The following KCNMA1 variants were observed in gnomAD, a reference collection of about 807,000 sequenced individuals.
The protein encoded by KCNMA1 is Calcium-activated potassium channel subunit alpha-1.
A neutral mutation model predicts 140.0 loss-of-function variants in KCNMA1; 29 were observed. The observed-to-expected ratio is 0.21, with a 90% CI of 0.15 to 0.28. KCNMA1 has a LOEUF of 0.28. Among genes scored for constraint, KCNMA1 ranks in the 10% least tolerant of loss-of-function variants. KCNMA1 has a pLI of 1.00. For synonymous variants in KCNMA1, 612 were observed against 611.9 expected (o/e 1.00, Z 0.00); for missense variants, 880 against 1,602.2 (o/e 0.55, Z 7.70).
At chr10:76,882,843 C>A (rs370220262), downstream of KCNMA1, among the ~76,000 whole-genome samples, 2 of 152,208 alleles carry the variant, frequency 1.3e-5, no homozygotes, top group Non-Finnish European at 2.9e-5. Flanking sequence ...GTGCCCACAG[C>A]TACTTCTTTA....
At chr10:77,298,146 G>T (rs890407201) in intron 2 of KCNMA1, among the ~76,000 whole-genome samples, 1 of 152,204 alleles carries the variant, frequency 6.6e-6, no homozygotes, top group South Asian at 2.1e-4. Flanking sequence ...AAACCAGAGA[G>T]AGCTTGTCAA....
At chr10:77,289,609 T>G (rs2072436126) in intron 2 of KCNMA1, among the ~76,000 whole-genome samples, 1 of 152,256 alleles carries the variant, frequency 6.6e-6, no homozygotes, top group African/African-American at 2.4e-5. Flanking sequence ...GATGTATATT[T>G]GCTTAAATGA....
chr10:76,936,619 T>G (rs4980117), intron 23 of KCNMA1, among the ~76,000 whole-genome samples: 69,640 of 151,910 alleles, frequency 0.46, 16,616 homozygotes, highest in Middle Eastern at 0.52. Context: ...CTGAAAAAAT[T>G]CTTCTCTGAC....
intron 3 of KCNMA1, among the ~76,000 whole-genome samples, chr10:77,211,753 G>T (rs1297672800): frequency 6.6e-6 from 1 of 151,704 alleles, no homozygotes; most frequent in Non-Finnish European, 1.5e-5. Context: ...TAAAAAAATT[G>T]ACAAGCAAAT....
At chr10:77,125,582 C>T (rs2097714111) in intron 5 of KCNMA1, among the ~76,000 whole-genome samples, 1 of 152,212 alleles carries the variant, frequency 6.6e-6, no homozygotes, top group Non-Finnish European at 1.5e-5. Flanking sequence ...CCACACCACC[C>T]GTGCAACTCC....
chr10:77,177,577 G>T (rs908970273), intron 5 of KCNMA1, among the ~76,000 whole-genome samples: 36 of 151,444 alleles, frequency 2.4e-4, no homozygotes, highest in African/African-American at 8.7e-4. Flanking sequence ...GAGCTCAGGG[G>T]TCCTCCTGCC....
At chr10:77,338,832 T>G (rs1260843393) in intron 2 of KCNMA1, among the ~76,000 whole-genome samples, 1 of 152,230 alleles carries the variant, frequency 6.6e-6, no homozygotes, top group African/African-American at 2.4e-5. Context: ...CTAAAGCCCC[T>G]GTCTTGGTGC....
At chr10:76,873,374 C>T (rs545736776), downstream of KCNMA1, 3 of 152,102 alleles carry the variant, frequency 2.0e-5, no homozygotes, top group Admixed American at 6.5e-5. Context: ...ATCCAAATAG[C>T]GTCATCACCT....
chr10:77,324,940 A>ACTCTCTCTCTCTCTCTCT lies in KCNMA1; in HGVS notation c.541-73702_541-73685dup, dbSNP rs3068755. On this transcript the variant is annotated intron_variant, in intron 2 of 27. Transcript: ENST00000286628. ...TTCTGGACACTCAGTATAGCTCTAGACTCTCTCTCTCTCTCTCTCTCTCTC... is the reference window on the plus strand; with the variant it reads ...TTCTGGACACTCAGTATAGCTCTAGACTCTCTCTCTCTCTCTCTCTCTCTCTCTCTCTCTCTCTCTCTC... 9.6e-4 allele frequency among the ~76,000 whole-genome samples: 90 copies of ACTCTCTCTCTCTCTCTCT among 93,450 alleles called. 1 individual carries two copies. Among genetic ancestry groups the ACTCTCTCTCTCTCTCTCT allele is most frequent in the Middle Eastern group, 6.4e-3 (1 of 156 alleles). 61.3% of individuals were successfully genotyped at this position (93,450 alleles called of 152,430 possible).
chr10:77,541,849 T>G (rs1049011090), intron 1 of KCNMA1, among the ~76,000 whole-genome samples: 1 of 152,062 alleles, frequency 6.6e-6, no homozygotes, highest in Non-Finnish European at 1.5e-5. Flanking sequence ...TTTAAAAGCT[T>G]CCAAAGTGAT....
intron 9 of KCNMA1, among the ~76,000 whole-genome samples, chr10:77,100,942 T>A (rs1288573807): frequency 6.6e-6 from 1 of 152,176 alleles, no homozygotes; most frequent in Non-Finnish European, 1.5e-5. Context: ...ATCTCCCACC[T>A]ACATTTCTAT....
chr10:77,486,786 A>C (rs1026640747), intron 1 of KCNMA1, among the ~76,000 whole-genome samples: 41 of 152,180 alleles, frequency 2.7e-4, no homozygotes, highest in Non-Finnish European at 2.9e-5. Context: ...TGTGCATAAT[A>C]AGAAGCAGCT....
intron 5 of KCNMA1, among the ~76,000 whole-genome samples, chr10:77,159,896 A>G (rs1489715469): frequency 6.6e-6 from 1 of 152,174 alleles, no homozygotes; most frequent in Non-Finnish European, 1.5e-5. Flanking sequence ...TCATTCATTC[A>G]TGTCTAAATT....
intron 1 of KCNMA1, among the ~76,000 whole-genome samples, chr10:77,548,732 T>C (rs1255861673): frequency 6.6e-6 from 1 of 152,226 alleles, no homozygotes; most frequent in Non-Finnish European, 1.5e-5. Context: ...AGTCATATCA[T>C]GTCTCTGGGA....
At chr10:77,290,480 C>G (rs1565761572) in intron 2 of KCNMA1, among the ~76,000 whole-genome samples, 1 of 152,156 alleles carries the variant, frequency 6.6e-6, no homozygotes. Flanking sequence ...AGCCAGTGCC[C>G]TTCGTACTCC....
intron 3 of KCNMA1, chr10:77,250,059 A>G (rs1235029979): frequency 1.3e-5 from 2 of 152,192 alleles, no homozygotes; most frequent in Non-Finnish European, 2.9e-5. Context: ...CTCCACCCAA[A>G]TGCACAAAAT....
intron 5 of KCNMA1, among the ~76,000 whole-genome samples, chr10:77,156,214 C>T (rs534369827): frequency 2.3e-4 from 29 of 125,822 alleles, no homozygotes; most frequent in Middle Eastern, 6.0e-3. Context: ...GGTGACAGAG[C>T]GAGACTCCAT....
At chr10:77,208,151 A>G (rs1210992035) in intron 3 of KCNMA1, among the ~76,000 whole-genome samples, 1 of 152,146 alleles carries the variant, frequency 6.6e-6, no homozygotes, top group Non-Finnish European at 1.5e-5. Flanking sequence ...GCTTAACCTT[A>G]TTTGTTCTGG....
chr10:77,255,912 CAAAAA>C (rs35233819), intron 2 of KCNMA1, among the ~76,000 whole-genome samples: 1 of 117,464 alleles, frequency 8.5e-6, no homozygotes, highest in African/African-American at 3.4e-5. Flanking sequence ...GACTCCATCT[CAAAAA>C]AAAAAAAAAA....
Sources: gnomAD v4.1 joint callset for allele counts (sites outside exome capture counted in the v4.1 genomes callset) on GRCh38, gnomAD v4.1.1 for gene constraint, MANE v1.5 for transcripts, NCBI Gene and HGNC (gene_info 2026-07-23, HGNC 2026-07-21) for gene names.